The following CADM2 variants were observed in gnomAD, a reference collection of about 807,000 sequenced individuals.
CADM2 encodes the protein cell adhesion molecule 2, also known as immunoglobulin superfamily member 4D.
In CADM2, 12 loss-of-function variants were observed where a neutral mutation model predicts 49.8. The observed-to-expected ratio is 0.24, with a 90% confidence interval of 0.15 to 0.39. The LOEUF is 0.39. Ranked by LOEUF, CADM2 falls within the 10% of genes least tolerant of loss-of-function variation. The pLI, the probability that CADM2 is intolerant of heterozygous loss-of-function variation, is 1.00. For missense variants in CADM2, 378 were observed against 492.3 expected, an observed-to-expected ratio of 0.77 and a Z score of 2.20; for synonymous variants, 214 against 175.4, an observed-to-expected ratio of 1.22 and a Z score of -1.74.
chr3:85,099,930 T>A (rs1281900369), intron 1 of CADM2, among the ~76,000 whole-genome samples: 1 of 152,172 alleles, frequency 6.6e-6, no homozygotes, highest in Non-Finnish European at 1.5e-5. Context: ...CTATCATGAC[T>A]CATTTAAAAA....
At chr3:85,426,357 G>A (rs189093250) in intron 1 of CADM2, among the ~76,000 whole-genome samples, 38 of 152,108 alleles carry the variant, frequency 2.5e-4, no homozygotes, top group Admixed American at 2.1e-3. Context: ...ATCTCCAGCT[G>A]CTGGGCTCAA....
intron 1 of CADM2, among the ~76,000 whole-genome samples, chr3:85,351,974 C>T (rs2031395381): frequency 6.6e-6 from 1 of 151,662 alleles, no homozygotes; most frequent in African/African-American, 2.4e-5. Context: ...CACAGATATC[C>T]ATATATATAT....
chr3:85,957,776 A>G (rs1328419329), intron 7 of CADM2, among the ~76,000 whole-genome samples: 1 of 151,860 alleles, frequency 6.6e-6, no homozygotes, highest in African/African-American at 2.4e-5. Flanking sequence ...GATAGCTCAC[A>G]GAACTCAGGG....
At chr3:85,682,870 A>G (rs1482516296) in intron 1 of CADM2, among the ~76,000 whole-genome samples, 1 of 151,768 alleles carries the variant, frequency 6.6e-6, no homozygotes, top group Non-Finnish European at 1.5e-5. Flanking sequence ...TATTTTTGTA[A>G]TTTTCACAAT....
intron 3 of CADM2, among the ~76,000 whole-genome samples, chr3:85,848,056 CAT>C (rs1233743934): frequency 3.9e-5 from 6 of 151,912 alleles, no homozygotes; most frequent in African/African-American, 1.5e-4. Context: ...TTTTTATACT[CAT>C]AATTTTTTTA....
intron 1 of CADM2, among the ~76,000 whole-genome samples, chr3:85,217,895 A>T (rs1052386991): frequency 6.6e-5 from 10 of 152,114 alleles, no homozygotes; most frequent in African/African-American, 2.4e-4. Context: ...ACACTTGCTT[A>T]GCCTTTTAAA....
intron 1 of CADM2, among the ~76,000 whole-genome samples, chr3:85,260,846 T>C (rs376800304): frequency 6.6e-6 from 1 of 152,168 alleles, no homozygotes; most frequent in African/African-American, 2.4e-5. Flanking sequence ...TTGTTAAACC[T>C]TGTGACTCCA....
intron 1 of CADM2, among the ~76,000 whole-genome samples, chr3:85,273,671 A>G (rs2043295946): frequency 6.6e-6 from 1 of 151,472 alleles, no homozygotes; most frequent in Non-Finnish European, 1.5e-5. Context: ...ATTGTTTGGG[A>G]AAGAAGATTA....
chr3:85,805,192 C>T (rs979903606), intron 3 of CADM2, among the ~76,000 whole-genome samples: 6 of 152,142 alleles, frequency 3.9e-5, no homozygotes, highest in Non-Finnish European at 8.8e-5. Flanking sequence ...AATCCTCCTG[C>T]CTTGGCCTCT....
intron 1 of CADM2, among the ~76,000 whole-genome samples, chr3:85,658,334 G>A (rs13101056): frequency 6.6e-6 from 1 of 151,042 alleles, no homozygotes; most frequent in Admixed American, 6.6e-5. Flanking sequence ...CATGAAACAG[G>A]TTTTTCTTCA....
chr3:86,026,201 G>A (rs553647624), intron 8 of CADM2, among the ~76,000 whole-genome samples: 12 of 152,196 alleles, frequency 7.9e-5, no homozygotes, highest in African/African-American at 7.2e-5. Context: ...GGAAAAATGC[G>A]ATTCAAATTC....
At chr3:85,658,464 A>C (rs2065276573) in intron 1 of CADM2, among the ~76,000 whole-genome samples, 2 of 151,322 alleles carry the variant, frequency 1.3e-5, no homozygotes, top group African/African-American at 4.9e-5. Flanking sequence ...TTGTTATGGC[A>C]GCCCTAGCAA....
chr3:85,509,405 A>G (rs1022812286), intron 1 of CADM2, among the ~76,000 whole-genome samples: 3 of 152,142 alleles, frequency 2.0e-5, no homozygotes, highest in East Asian at 1.9e-4. Flanking sequence ...CAATATTGCA[A>G]TTTATATCCT....
chr3:86,003,884 A>C, intron 8 of CADM2, among the ~76,000 whole-genome samples: 1 of 152,328 alleles, frequency 6.6e-6, no homozygotes, highest in Admixed American at 6.5e-5. Flanking sequence ...TGTAGAAAAA[A>C]TTGCGGACCC....
At chr3:85,695,426 G>A (rs1449932958) in intron 1 of CADM2, among the ~76,000 whole-genome samples, 1 of 151,982 alleles carries the variant, frequency 6.6e-6, no homozygotes, top group Non-Finnish European at 1.5e-5. Flanking sequence ...GTGAGAAAAT[G>A]TGTTATTTGG....
chr3:85,778,160 T>C (rs1217861881), intron 2 of CADM2, among the ~76,000 whole-genome samples: 1 of 152,188 alleles, frequency 6.6e-6, no homozygotes, highest in Non-Finnish European at 1.5e-5. Context: ...ATTATTAGTC[T>C]GTTTATATTA....
rs571154879 is a variant in CADM2 at position 85,516,081 on chromosome 3, T to A, written c.62-210441T>A. ...TGAATGTGCACTTAGAAGAAAATGT[T>A]AATAATATTCATGATCATTTCAGTT... On this transcript the variant is annotated intron_variant, in intron 1 of 9. Transcript: ENST00000383699. Among the ~76,000 whole-genome samples, 11 of 152,280 alleles carry A rather than the reference T, an allele frequency of 7.2e-5. 1 individual carries two copies. The highest frequency in any genetic ancestry group is 2.4e-4 in the African/African-American group (10 of 41,558).
intron 5 of CADM2, among the ~76,000 whole-genome samples, chr3:85,909,243 G>C (rs1323017939): frequency 6.6e-6 from 1 of 152,010 alleles, no homozygotes; most frequent in Non-Finnish European, 1.5e-5. Flanking sequence ...TGTCCAGAAG[G>C]TCTACTAGAG....
At chr3:85,165,209 G>A (rs753812723) in intron 1 of CADM2, among the ~76,000 whole-genome samples, 19 of 151,708 alleles carry the variant, frequency 1.3e-4, no homozygotes, top group Non-Finnish European at 2.1e-4. Context: ...TTACTTCTGC[G>A]TGTAAGAAAA....
Sources: allele counts gnomAD v4.1 joint callset (sites outside exome capture counted in the v4.1 genomes callset), GRCh38; gene constraint gnomAD v4.1.1; transcripts MANE v1.5; gene names NCBI Gene and HGNC (gene_info 2026-07-23, HGNC 2026-07-21).